Variants in GARNL3 observed in about 807,000 individuals in gnomAD.
The protein encoded by GARNL3 is GTPase-activating Rap/Ran-GAP domain-like protein 3.
GARNL3 carries 63 observed loss-of-function variants against 125.0 expected under a neutral mutation model. The observed-to-expected ratio is 0.50, with a 90% confidence interval of 0.41 to 0.62. GARNL3 has a LOEUF of 0.62. Ranked by LOEUF, GARNL3 falls within the 20% of genes least tolerant of loss-of-function variation. The pLI is 0.00. For synonymous variants in GARNL3, 439 were observed against 457.5 expected (o/e 0.96, Z 0.52); for missense variants, 994 against 1,244.0 (o/e 0.80, Z 3.02).
At chr9:127,302,851 T>C (rs1213003971) in intron 2 of GARNL3, among the ~76,000 whole-genome samples, 1 of 152,168 alleles carries the variant, frequency 6.6e-6, no homozygotes, top group Non-Finnish European at 1.5e-5. Flanking sequence ...CTATATGTAT[T>C]GACATAGAAA....
rs1256365906 is a variant in GARNL3, at chr9:127,378,695, ATT to A, written c.2162-4742_2162-4741del. 2.3e-4 allele frequency among the ~76,000 whole-genome samples: 35 copies of A among 152,164 alleles called. 1 individual carries two copies. Among genetic ancestry groups the A allele is most frequent in the Non-Finnish European group, 4.4e-5 (3 of 68,028 alleles). On this transcript the variant is annotated intron_variant, in intron 22 of 27. Coordinates refer to ENST00000373387, the MANE Select transcript of GARNL3 (RefSeq NM_032293.5). ...AAAGAAATCCAGTTACCCAATAAGC[ATT>A]GTTAAAAGATAAATTTTGACACATT...
chr9:127,316,633 C>T (rs527504043), intron 4 of GARNL3, among the ~76,000 whole-genome samples: 43 of 152,294 alleles, frequency 2.8e-4, no homozygotes, highest in Non-Finnish European at 1.3e-4. Context: ...CTCTGTAGCA[C>T]AAACTACAAA....
intron 2 of GARNL3, among the ~76,000 whole-genome samples, chr9:127,244,989 C>A (rs987522254): frequency 3.9e-5 from 6 of 152,142 alleles, no homozygotes; most frequent in Non-Finnish European, 7.4e-5. Flanking sequence ...CAGCGCACTG[C>A]AGAGGACGGG....
intron 1 of GARNL3, among the ~76,000 whole-genome samples, chr9:127,233,850 G>A (rs2063064163): frequency 6.6e-6 from 1 of 152,128 alleles, no homozygotes; most frequent in Non-Finnish European, 1.5e-5. Context: ...GCGTCGGGGT[G>A]CCTCCTTTTC....
intron 22 of GARNL3, among the ~76,000 whole-genome samples, chr9:127,371,320 T>G (rs1328884550): frequency 6.6e-6 from 1 of 152,184 alleles, no homozygotes; most frequent in African/African-American, 2.4e-5. Flanking sequence ...CCTCTCACTT[T>G]CCCTAGCCAG....
intron 4 of GARNL3, among the ~76,000 whole-genome samples, chr9:127,316,501 G>A (rs1372184776): frequency 2.6e-5 from 4 of 152,226 alleles, no homozygotes; most frequent in Non-Finnish European, 5.9e-5. Flanking sequence ...ATGCAGTGTA[G>A]GCTGGAGCCA....
chr9:127,354,419 A>T lies in GARNL3; in HGVS notation c.1759+9A>T. Reference sequence around the variant, plus strand: ...GTTGGAGAAAACAAAAGGTGACTTGATAGATTGGTAGATTCCATTCGATTC... The same window carrying T: ...GTTGGAGAAAACAAAAGGTGACTTGTTAGATTGGTAGATTCCATTCGATTC... On this transcript the variant is annotated intron_variant, in intron 19 of 27. Transcript: ENST00000373387. The T allele has an allele frequency of 6.6e-7, 1 of 1,515,930 alleles. No homozygotes were observed. The allele number at this position is 1,515,930 out of a possible 1,614,324, so 93.9% of individuals were successfully genotyped here.
chr9:127,234,204 C>CA lies in GARNL3; in HGVS notation c.-28-8873dup. Among the ~76,000 whole-genome samples the CA allele has an allele frequency of 3.3e-5, 5 of 152,238 alleles. 1 individual carries two copies. Among genetic ancestry groups the CA allele is most frequent in the Admixed American group, 3.3e-4 (5 of 15,282 alleles). ...TGTTCTCCTAAGAGCAGAGAAAAAA[C>CA]AACTTTTATTATTCACTAAGATTTT... On this transcript the variant is annotated intron_variant, in intron 1 of 10. Coordinates refer to the GARNL3 transcript ENST00000439286.
intron 22 of GARNL3, among the ~76,000 whole-genome samples, chr9:127,374,661 C>T (rs1192698568): frequency 2.0e-5 from 3 of 151,722 alleles, no homozygotes; most frequent in Non-Finnish European, 4.4e-5. Flanking sequence ...AGAAAATAAC[C>T]CAGTTAAAAA....
At position 127,383,538 on chromosome 9, in the gene GARNL3, T is replaced by C. The variant is rs372707385; in HGVS notation, c.2262T>C (p.Tyr754=). ...AGTTCTGTTGGAACCAGGCTCCCTATGCAATTGGTAAGAAAAGTCTTTATC... is the reference window on the plus strand; with the variant it reads ...AGTTCTGTTGGAACCAGGCTCCCTACGCAATTGGTAAGAAAAGTCTTTATC... The part of the protein sequence containing the change: ...DFQFCWNQAP[Y]AIVCAFPYLL... Residue 754 remains tyrosine, a synonymous_variant, in exon 23 of 28, where the codon TAT becomes TAC. Coordinates refer to ENST00000373387, the MANE Select transcript of GARNL3 (RefSeq NM_032293.5). 3 of 1,607,396 alleles carry C rather than the reference T, an allele frequency of 1.9e-6. No homozygotes were observed. The African/African-American group carries it at 4.0e-5, about 21-fold the overall frequency.
chr9:127,295,742 A>G (rs563526274), intron 2 of GARNL3, among the ~76,000 whole-genome samples: 3 of 151,146 alleles, frequency 2.0e-5, no homozygotes, highest in African/African-American at 4.9e-5. Flanking sequence ...TTTTTTTACT[A>G]TTACTGATAT....
intron 1 of GARNL3, chr9:127,225,415 G>C: frequency 1.0e-6 from 1 of 975,700 alleles, no homozygotes; most frequent in South Asian, 4.7e-5. Flanking sequence ...TACTGCGGAC[G>C]GGGAGGGGTG....
At chr9:127,359,329 A>G (rs532045309) in intron 21 of GARNL3, among the ~76,000 whole-genome samples, 139 of 152,304 alleles carry the variant, frequency 9.1e-4, no homozygotes, top group Non-Finnish European at 1.7e-3. Flanking sequence ...ATCTGTACTA[A>G]ATATACAAAA....
intron 2 of GARNL3, among the ~76,000 whole-genome samples, chr9:127,297,372 C>G (rs2812278): frequency 0.82 from 125,071 of 152,274 alleles, 52,007 homozygotes; most frequent in African/African-American, 0.95. Context: ...CTCCTGGGCT[C>G]AAGTAATTCG....
At chr9:127,234,448 A>G (rs2063075185) in intron 1 of GARNL3, among the ~76,000 whole-genome samples, 1 of 152,216 alleles carries the variant, frequency 6.6e-6, no homozygotes, top group Non-Finnish European at 1.5e-5. Flanking sequence ...GAGAAGTTCT[A>G]CAGCAGCATG....
intron 2 of GARNL3, among the ~76,000 whole-genome samples, chr9:127,295,822 G>A (rs867403506): frequency 2.0e-5 from 3 of 151,974 alleles, no homozygotes; most frequent in Non-Finnish European, 2.9e-5. Context: ...GTTTTTCCAC[G>A]GACCAGGCAG....
Position 127,391,714 on chromosome 9 carries a change from A to C in GARNL3, c.2870+947A>C, listed in dbSNP as rs947853595. ...AGACCCCGTGTCAAAAAAAAAAAAA[A>C]AAAACACTTAGTAAGACTGCAGGGA... is the stretch of plus-strand genomic sequence containing the variant. On this transcript the variant is annotated intron_variant, in intron 27 of 27. Coordinates refer to ENST00000373387, the MANE Select transcript of GARNL3 (RefSeq NM_032293.5). Among the ~76,000 whole-genome samples, 11 of 150,790 alleles carry C rather than the reference A, an allele frequency of 7.3e-5. No individual in the cohort carries two copies. The East Asian group carries it at 7.7e-4, about 11-fold the overall frequency.
chr9:127,355,020 C>T (rs1830611550), intron 19 of GARNL3, among the ~76,000 whole-genome samples: 1 of 152,198 alleles, frequency 6.6e-6, no homozygotes, highest in African/African-American at 2.4e-5. Flanking sequence ...CTCGAATTCC[C>T]GACCTCAGGT....
intron 17 of GARNL3, among the ~76,000 whole-genome samples, chr9:127,350,756 A>G (rs1236226151): frequency 3.3e-5 from 5 of 151,966 alleles, no homozygotes; most frequent in Admixed American, 6.6e-5. Flanking sequence ...AGCCTGGGCA[A>G]CGGAGCAAGA....
Sources: gnomAD v4.1 joint callset for allele counts (sites outside exome capture counted in the v4.1 genomes callset) on GRCh38, gnomAD v4.1.1 for gene constraint, MANE v1.5 for transcripts, NCBI Gene and HGNC (gene_info 2026-07-23, HGNC 2026-07-21) for gene names.